The following AFAP1 variants were observed in gnomAD, a reference collection of about 807,000 sequenced individuals.
AFAP1 encodes actin filament associated protein 1, also known as actin filament-associated protein 1.
AFAP1 carries 75 observed loss-of-function variants against 93.9 expected under a neutral mutation model. That is an observed-to-expected ratio of 0.80 (90% confidence interval 0.66 to 0.97). The LOEUF (loss-of-function observed/expected upper bound fraction) is 0.97. Among genes scored for constraint, AFAP1 ranks in the 50% least tolerant of loss-of-function variants. AFAP1 has a pLI of 0.00. For missense variants in AFAP1, 1,201 were observed against 1,050.8 expected, an observed-to-expected ratio of 1.14 and a Z score of -1.98; for synonymous variants, 517 against 430.7, an observed-to-expected ratio of 1.20 and a Z score of -2.48.
intron 8 of AFAP1, among the ~76,000 whole-genome samples, chr4:7,815,679 C>A (rs766511430): frequency 6.6e-6 from 1 of 152,096 alleles, no homozygotes; most frequent in Non-Finnish European, 1.5e-5. Flanking sequence ...AGCAACATGC[C>A]GGCTGCTCAC....
At chr4:7,780,572 G>C (rs1335215091) in intron 13 of AFAP1, among the ~76,000 whole-genome samples, 1 of 152,154 alleles carries the variant, frequency 6.6e-6, no homozygotes, top group Non-Finnish European at 1.5e-5. Flanking sequence ...CAGCTACTTG[G>C]GAGGCCAAGG....
chr4:7,881,470 C>A (rs1308828244), intron 1 of AFAP1, among the ~76,000 whole-genome samples: 1 of 152,200 alleles, frequency 6.6e-6, no homozygotes, highest in African/African-American at 2.4e-5. Flanking sequence ...TGGCCCTCAT[C>A]CTCCACTGCT....
intron 1 of AFAP1, among the ~76,000 whole-genome samples, chr4:7,892,132 C>T (rs140992377): frequency 7.2e-5 from 11 of 152,284 alleles, no homozygotes; most frequent in African/African-American, 2.6e-4. Flanking sequence ...AGGTGAAGAG[C>T]CCACAGGCTA....
intron 6 of AFAP1, among the ~76,000 whole-genome samples, chr4:7,834,521 AT>A (rs910946318): frequency 3.3e-5 from 5 of 152,252 alleles, no homozygotes; most frequent in Admixed American, 6.5e-5. Context: ...TTTAAAAAAA[AT>A]TTTTTTCAAA....
At chr4:7,830,304 G>A (rs1721777069) in intron 6 of AFAP1, among the ~76,000 whole-genome samples, 1 of 152,208 alleles carries the variant, frequency 6.6e-6, no homozygotes, top group Non-Finnish European at 1.5e-5. Context: ...GGCAGAGTTG[G>A]TGATGCTGAA....
intron 12 of AFAP1, among the ~76,000 whole-genome samples, chr4:7,783,352 C>A (rs796677175): frequency 6.6e-5 from 10 of 152,278 alleles, no homozygotes; most frequent in African/African-American, 2.4e-4. Flanking sequence ...GTTGGCCAGG[C>A]TGGTCTCGAA....
chr4:7,897,246 T>C (rs1157264679), intron 1 of AFAP1, among the ~76,000 whole-genome samples: 1 of 152,138 alleles, frequency 6.6e-6, no homozygotes, highest in Non-Finnish European at 1.5e-5. Context: ...ATGATGAATT[T>C]TGAAAAACAG....
intron 10 of AFAP1, among the ~76,000 whole-genome samples, chr4:7,798,715 G>C (rs1240195461): frequency 1.3e-5 from 2 of 152,200 alleles, no homozygotes; most frequent in East Asian, 3.9e-4. Context: ...AAGCGTTTGT[G>C]AAGGTATGAA....
intron 11 of AFAP1, among the ~76,000 whole-genome samples, chr4:7,786,515 C>T (rs763148977): frequency 6.6e-6 from 1 of 152,192 alleles, no homozygotes; most frequent in Admixed American, 6.5e-5. Context: ...ACATAATCTG[C>T]AGAACTGCGG....
intron 8 of AFAP1, among the ~76,000 whole-genome samples, chr4:7,815,417 AT>A (rs948620567): frequency 3.0e-4 from 45 of 152,366 alleles, no homozygotes; most frequent in African/African-American, 9.4e-4. Flanking sequence ...TATTATGTAT[AT>A]TTTTATATAA....
At chr4:7,873,909 A>T (rs1717294005) in intron 1 of AFAP1, among the ~76,000 whole-genome samples, 1 of 152,226 alleles carries the variant, frequency 6.6e-6, no homozygotes, top group South Asian at 2.1e-4. Context: ...CAAGGTAAAC[A>T]ACTGATACCA....
intron 1 of AFAP1, among the ~76,000 whole-genome samples, chr4:7,898,532 T>C (rs1415217513): frequency 6.6e-6 from 1 of 151,632 alleles, no homozygotes; most frequent in African/African-American, 2.4e-5. Flanking sequence ...AAAGAGAAAG[T>C]GCAAATGGGG....
chr4:7,936,580 T>C lies in AFAP1; in HGVS notation c.-3+3076A>G, dbSNP rs540424648. On this transcript the variant is annotated intron_variant, in intron 1 of 17. Coordinates refer to ENST00000420658, the MANE Select transcript of AFAP1 (RefSeq NM_001134647.2). Reference sequence around the variant, plus strand: ...ATGTGATGCAATTTTTTACAAGCGGTAATTTTTTTTTTTTTTTTTGAGATG... The same window carrying C: ...ATGTGATGCAATTTTTTACAAGCGGCAATTTTTTTTTTTTTTTTTGAGATG... Among the ~76,000 whole-genome samples the C allele has an allele frequency of 1.9e-3, 255 of 137,756 alleles. 1 individual carries two copies. The highest frequency in any genetic ancestry group is 3.3e-3 in the Non-Finnish European group (216 of 66,278). 90.4% of individuals were successfully genotyped at this position (137,756 alleles called of 152,430 possible).
At chr4:7,769,030 C>A in intron 16 of AFAP1, 22 bp from the exon 17 acceptor site, 1 of 1,573,636 alleles carries the variant, frequency 6.4e-7, no homozygotes, top group African/African-American at 1.4e-5. Flanking sequence ...GAGAGAACCC[C>A]ATGTGATGAG....
intron 14 of AFAP1, chr4:7,775,844 A>G (rs1476981941): frequency 6.6e-6 from 1 of 152,202 alleles, no homozygotes; most frequent in Non-Finnish European, 1.5e-5. Flanking sequence ...CTTAGAACAA[A>G]CACAAATGGG....
intron 14 of AFAP1, chr4:7,777,575 G>C (rs1166700996): frequency 6.6e-6 from 1 of 152,248 alleles, no homozygotes; most frequent in Non-Finnish European, 1.5e-5. Flanking sequence ...TCGACAGCTG[G>C]TGTGGGGGTT....
intron 1 of AFAP1, among the ~76,000 whole-genome samples, chr4:7,879,130 G>C (rs1031295771): frequency 2.0e-5 from 3 of 152,180 alleles, no homozygotes; most frequent in Non-Finnish European, 4.4e-5. Context: ...GAGAAACTGA[G>C]GCTCAGGGAA....
chr4:7,921,131 A>G (rs1454417658), intron 1 of AFAP1, among the ~76,000 whole-genome samples: 1 of 151,058 alleles, frequency 6.6e-6, no homozygotes, highest in Non-Finnish European at 1.5e-5. Context: ...TAGATGACCT[A>G]TCTAATCTCT....
chr4:7,847,909 A>C (rs1713926557), intron 4 of AFAP1, among the ~76,000 whole-genome samples: 1 of 151,934 alleles, frequency 6.6e-6, no homozygotes, highest in African/African-American at 2.4e-5. Context: ...ACTCTGTTGA[A>C]AGGACGTTGT....
Sources: gnomAD v4.1 joint callset for allele counts (sites outside exome capture counted in the v4.1 genomes callset) on GRCh38, gnomAD v4.1.1 for gene constraint, MANE v1.5 for transcripts, NCBI Gene and HGNC (gene_info 2026-07-23, HGNC 2026-07-21) for gene names.